APOL3: variants seen among roughly 807,000 people sequenced by gnomAD.
APOL3 encodes apolipoprotein L3, also known as TNF-inducible protein CG12-1.
In APOL3, 14 loss-of-function variants were observed where a neutral mutation model predicts 11.6. That is an observed-to-expected ratio of 1.21 (90% CI 0.80 to 1.89). The LOEUF (loss-of-function observed/expected upper bound fraction) is 1.89. APOL3 is among the 40% of genes most tolerant of loss of function. The pLI is 0.00. For synonymous variants in APOL3, 192 were observed against 190.6 expected (o/e 1.01, Z -0.06); for missense variants, 483 against 492.1 (o/e 0.98, Z 0.17).
intron 1 of APOL3, among the ~76,000 whole-genome samples, chr22:36,160,158 C>G (rs546722443): frequency 6.6e-6 from 1 of 152,280 alleles, no homozygotes; most frequent in East Asian, 1.9e-4. Flanking sequence ...GCTGGGATTA[C>G]AGGCATGAGC....
intron 1 of APOL3, among the ~76,000 whole-genome samples, chr22:36,150,652 C>T (rs1603475070): frequency 1.3e-5 from 2 of 152,166 alleles, no homozygotes; most frequent in Admixed American, 1.3e-4. Flanking sequence ...AGGTGGATCA[C>T]GAGGTCAGGA....
At chr22:36,157,206 C>T (rs1404341194) in intron 1 of APOL3, among the ~76,000 whole-genome samples, 1 of 152,206 alleles carries the variant, frequency 6.6e-6, no homozygotes, top group Non-Finnish European at 1.5e-5. Flanking sequence ...TTCCAAGCCT[C>T]CCCTCCCCCA....
rs545067086 is a variant in APOL3 at position 36,151,281 on chromosome 22, A to T, written c.224-5682T>A. ...TTTCTTTAATATGAATAGATCTAGG[A>T]TCAGATAAAGCAGAAAGACAAAAAA... On this transcript the variant is annotated intron_variant, in intron 1 of 2. Coordinates refer to ENST00000349314, the Ensembl canonical transcript of APOL3. Among the ~76,000 whole-genome samples, 3 of 152,368 alleles carry T rather than the reference A, an allele frequency of 2.0e-5. No homozygotes were observed. The South Asian group carries it at 6.2e-4, about 32-fold the overall frequency.
At chr22:36,164,621 T>C (rs951223073), upstream of APOL3, 1 of 152,232 alleles carries the variant, frequency 6.6e-6, no homozygotes, top group African/African-American at 2.4e-5. Flanking sequence ...TTGTGTTTTA[T>C]TCATTTCCCA....
In APOL3 at chr22:36,149,127, GT is replaced by G. The variant is rs577866985; in HGVS notation, c.224-3529del. 15 of 1,367,408 alleles carry G rather than the reference GT, an allele frequency of 1.1e-5. No individual in the cohort carries two copies. In the South Asian group the frequency reaches 1.2e-4, roughly 11 times the overall value. 84.7% of individuals were successfully genotyped at this position (1,367,408 alleles called of 1,614,324 possible). On this transcript the variant is annotated intron_variant, in intron 1 of 2. Coordinates refer to ENST00000349314, the Ensembl canonical transcript of APOL3. ...GTCACTGACCTGACTGGAAGGGTTC[GT>G]TTTTTTTCTTAACCCTTGAGGAGGA...
chr22:36,161,455 T>C (rs1431704071), upstream of APOL3: 1 of 163,724 alleles, frequency 6.1e-6, no homozygotes, highest in East Asian at 1.8e-4. Flanking sequence ...GAGCCACCGT[T>C]CCAGACCTGC....
upstream of APOL3, among the ~76,000 whole-genome samples, chr22:36,162,850 A>G (rs1301933422): frequency 6.6e-6 from 1 of 152,224 alleles, no homozygotes; most frequent in African/African-American, 2.4e-5. Context: ...CATGGCTTTT[A>G]ATATGTGCTT....
chr22:36,148,319 G>A (rs914839831), intron 1 of APOL3, among the ~76,000 whole-genome samples: 1 of 152,230 alleles, frequency 6.6e-6, no homozygotes, highest in Non-Finnish European at 1.5e-5. Flanking sequence ...ACAAAAAGGG[G>A]CTTCCACCTG....
chr22:36,154,322 T>C (rs1310866092), intron 1 of APOL3: 2 of 233,838 alleles, frequency 8.6e-6, no homozygotes, highest in Non-Finnish European at 1.7e-5. Flanking sequence ...TTGTGATTAT[T>C]ATGATCATGT....
intron 1 of APOL3, among the ~76,000 whole-genome samples, chr22:36,158,966 CGTGTGTGT>C (rs35041494): frequency 5.1e-4 from 77 of 150,158 alleles, no homozygotes; most frequent in East Asian, 2.4e-3. Context: ...TGTGAGTGTG[CGTGTGTGT>C]GTGTGTGTGT....
intron 1 of APOL3, among the ~76,000 whole-genome samples, chr22:36,151,047 G>GAA (rs1164311130): frequency 1.4e-4 from 22 of 152,264 alleles, no homozygotes; most frequent in African/African-American, 4.6e-4. Context: ...GCCAAGAATT[G>GAA]CCTGCTAAGC....
chr22:36,150,027 G>A (rs1449712868), intron 1 of APOL3: 1 of 397,816 alleles, frequency 2.5e-6, no homozygotes, highest in East Asian at 7.3e-5. Context: ...CCCAGAGCTG[G>A]TCTCCAACTC....
intron 2 of APOL3, among the ~76,000 whole-genome samples, chr22:36,143,890 A>G (rs2060091936): frequency 6.6e-6 from 1 of 152,232 alleles, no homozygotes; most frequent in Non-Finnish European, 1.5e-5. Flanking sequence ...TGCTGAAAAG[A>G]CCTGCATTTG....
At chr22:36,146,418 G>A (rs751596210) in intron 1 of APOL3, 10 of 152,032 alleles carry the variant, frequency 6.6e-5, no homozygotes, top group Non-Finnish European at 1.2e-4. Context: ...TCTGAGTTTC[G>A]ACCCATCAGT....
At chr22:36,163,522 C>G (rs997505694), upstream of APOL3, among the ~76,000 whole-genome samples, 8 of 152,136 alleles carry the variant, frequency 5.3e-5, no homozygotes, top group African/African-American at 1.9e-4. Flanking sequence ...CATTTCTTTT[C>G]TTTCTTTCTA....
chr22:36,150,006 T>C (rs1313989689), intron 1 of APOL3: 3 of 428,892 alleles, frequency 7.0e-6, no homozygotes, highest in Non-Finnish European at 1.4e-5. Context: ...AATGTGGATC[T>C]TGCTTTGTTG....
At chr22:36,157,643 A>C (rs901632064) in intron 1 of APOL3, among the ~76,000 whole-genome samples, 7 of 152,242 alleles carry the variant, frequency 4.6e-5, no homozygotes, top group African/African-American at 7.2e-5. Context: ...ATCATTCAAG[A>C]GCCAGAATAA....
intron 1 of APOL3, among the ~76,000 whole-genome samples, chr22:36,150,514 G>A (rs1321094838): frequency 2.0e-5 from 3 of 152,192 alleles, no homozygotes; most frequent in African/African-American, 7.2e-5. Context: ...TAAAGACTGG[G>A]TTCCCACCCA....
At chr22:36,145,596 T>C (rs1302763985) in exon 2 of APOL3, 3 of 1,613,414 alleles carry the variant, frequency 1.9e-6, no homozygotes, top group Non-Finnish European at 2.5e-6. Flanking sequence ...AAAGCGTTTC[T>C]TTTCTACTTG....
Sources: allele counts gnomAD v4.1 joint callset (sites outside exome capture counted in the v4.1 genomes callset), GRCh38; gene constraint gnomAD v4.1.1; transcripts MANE v1.5; gene names NCBI Gene and HGNC (gene_info 2026-07-23, HGNC 2026-07-21).